Variants in ADARB2 observed in about 807,000 individuals in gnomAD.
ADARB2 encodes inactive double-stranded RNA-specific editase B2.
A neutral mutation model predicts 62.2 loss-of-function variants in ADARB2; 25 were observed. The observed-to-expected ratio is 0.40, with a 90% CI of 0.29 to 0.56. The LOEUF (loss-of-function observed/expected upper bound fraction) is 0.56. Ranked by LOEUF, ADARB2 falls within the 20% of genes least tolerant of loss-of-function variation. ADARB2 has a pLI of 0.43. For missense variants in ADARB2, 1,071 were observed against 1,077.4 expected (o/e 0.99, Z 0.08); for synonymous variants, 572 against 500.8 (o/e 1.14, Z -1.90).
intron 2 of ADARB2, among the ~76,000 whole-genome samples, chr10:1,373,413 C>A (rs1832391283): frequency 6.6e-6 from 1 of 152,114 alleles, no homozygotes; most frequent in Admixed American, 6.5e-5. Context: ...TCTTACCAAC[C>A]CCTGGAGGGC....
intron 1 of ADARB2, among the ~76,000 whole-genome samples, chr10:1,624,825 T>C (rs1394110810): frequency 6.6e-6 from 1 of 152,110 alleles, no homozygotes; most frequent in Non-Finnish European, 1.5e-5. Flanking sequence ...GGAAGTAAAC[T>C]AGAAAGAGAA....
intron 3 of ADARB2, among the ~76,000 whole-genome samples, chr10:1,302,176 G>A (rs910823053): frequency 1.3e-5 from 2 of 152,108 alleles, no homozygotes; most frequent in Non-Finnish European, 2.9e-5. Flanking sequence ...TGCGCACACC[G>A]TGCGCGAGCC....
chr10:1,466,841 G>A (rs1831260797), intron 1 of ADARB2, among the ~76,000 whole-genome samples: 2 of 152,098 alleles, frequency 1.3e-5, no homozygotes, highest in South Asian at 2.1e-4. Flanking sequence ...CTGGGTCTTC[G>A]GGACAGAGTC....
chr10:1,229,712 G>A (rs533767788), intron 6 of ADARB2, among the ~76,000 whole-genome samples: 13 of 99,784 alleles, frequency 1.3e-4, no homozygotes, highest in African/African-American at 3.2e-4. Context: ...TTATGTATGC[G>A]TGTTCATGTG....
intron 1 of ADARB2, among the ~76,000 whole-genome samples, chr10:1,597,834 C>G (rs1833354126): frequency 6.6e-6 from 1 of 152,160 alleles, no homozygotes; most frequent in African/African-American, 2.4e-5. Context: ...TTGTTTATTG[C>G]AGCACTACTC....
chr10:1,728,892 A>T (rs989858505), intron 1 of ADARB2, among the ~76,000 whole-genome samples: 8 of 152,226 alleles, frequency 5.3e-5, no homozygotes, highest in Non-Finnish European at 8.8e-5. Flanking sequence ...CAGGGCTGTC[A>T]AAGTTTCTAC....
chr10:1,608,116 T>C lies in ADARB2; in HGVS notation c.100+128935A>G, dbSNP rs966784431. Among the ~76,000 whole-genome samples the C allele has an allele frequency of 3.3e-5, 5 of 152,194 alleles. No individual in the cohort carries two copies. In the East Asian group the frequency reaches 9.6e-4, roughly 29 times the overall value. On this transcript the variant is annotated intron_variant, in intron 1 of 9. Coordinates refer to ENST00000381312, the MANE Select transcript of ADARB2 (RefSeq NM_018702.4). ...CATCATCTATTTATCATCTTGTTCA[T>C]GAAACAAGATCCATGCAAATGGAAA...
intron 1 of ADARB2, among the ~76,000 whole-genome samples, chr10:1,387,727 G>T (rs1832536734): frequency 1.3e-5 from 2 of 151,866 alleles, no homozygotes; most frequent in Non-Finnish European, 2.9e-5. Context: ...AATGGAAGGG[G>T]GTGGACTATC....
chr10:1,180,383 C>G lies in ADARB2; in HGVS notation c.*2810G>C, dbSNP rs932002667. ...TGTGGGAATCCTGGGACTCGGCCCC[C>G]CCAAGCATAGCTGGGGCTGTGGGAA... On this transcript the variant is annotated 3_prime_UTR_variant, in exon 10 of 10. Coordinates refer to ENST00000381312, the MANE Select transcript of ADARB2 (RefSeq NM_018702.4). The G allele has an allele frequency of 7.0e-6, 1 of 143,632 alleles. No individual in the cohort carries two copies. Among genetic ancestry groups the G allele is most frequent in the East Asian group, 2.1e-4 (1 of 4,780 alleles). The allele number at this position is 143,632 out of a possible 1,614,324, so 8.9% of individuals were successfully genotyped here.
chr10:1,225,104 A>G (rs1830732540), intron 6 of ADARB2, among the ~76,000 whole-genome samples: 1 of 152,032 alleles, frequency 6.6e-6, no homozygotes, highest in African/African-American at 2.4e-5. Context: ...GTGCTCCTGT[A>G]TTGGGTGCAT....
intron 1 of ADARB2, among the ~76,000 whole-genome samples, chr10:1,514,202 T>TATATA (rs376354957): frequency 1.2e-4 from 14 of 116,876 alleles, no homozygotes; most frequent in East Asian, 8.7e-4. Flanking sequence ...TATATGTATA[T>TATATA]TATATAAAAT....
intron 1 of ADARB2, among the ~76,000 whole-genome samples, chr10:1,660,089 C>T (rs11815421): frequency 2.0e-5 from 3 of 151,666 alleles, no homozygotes; most frequent in Admixed American, 6.6e-5. Flanking sequence ...ATGCAGCTTC[C>T]TGGTTCATCC....
intron 1 of ADARB2, among the ~76,000 whole-genome samples, chr10:1,495,040 G>A (rs1416945444): frequency 6.6e-6 from 1 of 152,088 alleles, no homozygotes; most frequent in Admixed American, 6.6e-5. Flanking sequence ...GTTTTAGTAG[G>A]AAGTCTTGGA....
rs76486731 is a variant in ADARB2, at chr10:1,660,071, A to G, written c.100+76980T>C. On this transcript the variant is annotated intron_variant, in intron 1 of 9. Transcript: ENST00000381312. ...CCTCCATTGCCTGCCCTGCCTGGGC[A>G]ACCCATCATGCAGCTTCCTGGTTCA... is the stretch of plus-strand genomic sequence containing the variant. 2.6e-4 allele frequency among the ~76,000 whole-genome samples: 39 copies of G among 149,268 alleles called. No individual in the cohort carries two copies. The East Asian group carries it at 6.8e-3, about 26-fold the overall frequency.
intron 3 of ADARB2, 148 bp from the exon 4 acceptor site, chr10:1,271,217 C>T (rs867541059): frequency 3.1e-5 from 20 of 639,034 alleles, no homozygotes; most frequent in African/African-American, 7.3e-5. Context: ...CTTGTCACCA[C>T]GTGACCACAC....
At chr10:1,521,805 C>T (rs1832077484) in intron 1 of ADARB2, among the ~76,000 whole-genome samples, 1 of 150,874 alleles carries the variant, frequency 6.6e-6, no homozygotes, top group Non-Finnish European at 1.5e-5. Context: ...AACCCCTTCC[C>T]TGCTTCAAGT....
At chr10:1,289,343 T>C (rs2131809627) in intron 3 of ADARB2, among the ~76,000 whole-genome samples, 1 of 152,342 alleles carries the variant, frequency 6.6e-6, no homozygotes, top group Non-Finnish European at 1.5e-5. Context: ...CCGACCACAC[T>C]GGGCACATGG....
At chr10:1,308,535 C>A (rs1267609746) in intron 3 of ADARB2, among the ~76,000 whole-genome samples, 1 of 152,156 alleles carries the variant, frequency 6.6e-6, no homozygotes, top group Non-Finnish European at 1.5e-5. Context: ...GATTGCTGAA[C>A]CATATGGTCA....
rs537166150 is a variant in ADARB2, at chr10:1,464,132, C to A, written c.101-84972G>T. Among the ~76,000 whole-genome samples the A allele has an allele frequency of 5.4e-3, 814 of 149,900 alleles. 3 individuals are homozygous for A. Among genetic ancestry groups the A allele is most frequent in the African/African-American group, 0.019 (767 of 39,478 alleles). On this transcript the variant is annotated intron_variant, in intron 1 of 9. Transcript: ENST00000381312. ...GCAGTGTGCCGGAGAAGAGGGTGGA[C>A]ACACACTCCCCCACACACGCGCGGG...
Sources: gnomAD v4.1 joint callset for allele counts (sites outside exome capture counted in the v4.1 genomes callset) on GRCh38, gnomAD v4.1.1 for gene constraint, MANE v1.5 for transcripts, NCBI Gene and HGNC (gene_info 2026-07-23, HGNC 2026-07-21) for gene names.